CASTOR2: variants seen among roughly 807,000 people sequenced by gnomAD.
The protein encoded by CASTOR2 is GATS protein like 2.
In CASTOR2, 8 loss-of-function variants were observed where a neutral mutation model predicts 31.2. That is an observed-to-expected ratio of 0.26 (90% CI 0.15 to 0.46). The LOEUF (loss-of-function observed/expected upper bound fraction) is 0.46, where lower values mean the gene tolerates loss of function less well. Ranked by LOEUF, CASTOR2 falls within the 20% of genes least tolerant of loss-of-function variation. The probability of loss-of-function intolerance (pLI) is 0.99; values close to 1 mark genes in which losing one functional copy is unlikely to be tolerated. For missense variants in CASTOR2, 216 were observed against 382.1 expected (o/e 0.57, Z 3.62); for synonymous variants, 162 against 158.7 (o/e 1.02, Z -0.16).
At chr7:74,979,701 TC>T (rs1402845422) in intron 1 of CASTOR2, among the ~76,000 whole-genome samples, 1 of 13,170 alleles carries the variant, frequency 7.6e-5, no homozygotes, top group African/African-American at 3.6e-4. Flanking sequence ...CCATGGCAGA[TC>T]CTTCTTGAAC....
In CASTOR2 at chr7:75,027,766, G is replaced by A. The variant is rs1027227400; in HGVS notation, c.*3067G>A. On this transcript the variant is annotated 3_prime_UTR_variant, in exon 9 of 9. Transcript: ENST00000616305. ...TAGTTTTCCCATCCCCATCCTGCTC[G>A]TGTAAAGCTTGGTTTATCTTCTCGG... 7 of 516,014 alleles carry A rather than the reference G, an allele frequency of 1.4e-5. No homozygotes were observed. The highest frequency in any genetic ancestry group is 3.6e-5 in the East Asian group (1 of 27,722). The allele number at this position is 516,014 out of a possible 1,614,324, so 32.0% of individuals were successfully genotyped here.
rs987189850 is a variant in CASTOR2 at position 75,026,065 on chromosome 7, A to G, written c.*1366A>G. On this transcript the variant is annotated 3_prime_UTR_variant, in exon 9 of 9. Transcript: ENST00000616305. The stretch of plus-strand genomic sequence containing the variant: ...GAGGGCCATGGGGAGGTGGACAGCC[A>G]GGTGGCAGGCCAGCTGAGTGGTCAT... 0.94 allele frequency among the ~76,000 whole-genome samples: 143,329 copies of G among 152,226 alleles called. 67,473 individuals carry two copies. The highest frequency in any genetic ancestry group is 0.98 in the Middle Eastern group (287 of 294).
At chr7:75,013,535 CGGT>C (rs1487468585) in intron 2 of CASTOR2, among the ~76,000 whole-genome samples, 1 of 151,946 alleles carries the variant, frequency 6.6e-6, no homozygotes, top group Non-Finnish European at 1.5e-5. Flanking sequence ...CCCAGCTACT[CGGT>C]GGGCTGCGGT....
In CASTOR2 at chr7:74,997,872, G is replaced by T. The variant is rs1260211687; in HGVS notation, c.114-10122G>T. On this transcript the variant is annotated intron_variant, in intron 1 of 8. Transcript: ENST00000616305. ...CTTGTTTATCTCTTTGCTTAACACT[G>T]TGGATGGTTCATGTGTTGCCTGCTG... Among the ~76,000 whole-genome samples the T allele has an allele frequency of 7.8e-4, 119 of 152,152 alleles. 1 individual carries two copies. The highest frequency in any genetic ancestry group is 1.6e-3 in the Non-Finnish European group (106 of 68,022).
In CASTOR2 at chr7:75,027,873, G is replaced by T; in HGVS notation, c.*3174G>T. On this transcript the variant is annotated 3_prime_UTR_variant, in exon 9 of 9. Transcript: ENST00000616305. ...TGAGTGTGGTTTTTCCCAGGCAGGG[G>T]CCGTCTGCCCTTGTCCCCCAGCTAT... The T allele has an allele frequency of 1.2e-6, 1 of 824,918 alleles. No individual in the cohort carries two copies. The highest frequency in any genetic ancestry group is 2.0e-6 in the Non-Finnish European group (1 of 505,082). 51.1% of individuals were successfully genotyped at this position (824,918 alleles called of 1,614,324 possible).
chr7:75,005,323 T>C (rs1359660173), intron 1 of CASTOR2, among the ~76,000 whole-genome samples: 1 of 152,198 alleles, frequency 6.6e-6, no homozygotes, highest in Non-Finnish European at 1.5e-5. Flanking sequence ...CAGAATGTCA[T>C]ATGAATAGAA....
rs1444824310 is a variant in CASTOR2 at position 74,982,516 on chromosome 7, G to A, written c.113+17418G>A. ...CTGAGCAATGCTTTGGGGCTGTTTC[G>A]TCCACTAGAGCAGCACAGTCAAGAA... is the stretch of plus-strand genomic sequence containing the variant. On this transcript the variant is annotated intron_variant, in intron 1 of 8. Transcript: ENST00000616305. Among the ~76,000 whole-genome samples, 11 of 144,492 alleles carry A rather than the reference G, an allele frequency of 7.6e-5. No homozygotes were observed. The East Asian group carries it at 2.1e-3, about 28-fold the overall frequency. The allele number at this position is 144,492 out of a possible 152,430, so 94.8% of individuals were successfully genotyped here. A position where few individuals can be genotyped will look rare whatever the true frequency, so the allele number is the denominator to read the frequency against.
intron 1 of CASTOR2, among the ~76,000 whole-genome samples, chr7:74,975,681 G>A (rs1385437311): frequency 6.2e-5 from 7 of 112,324 alleles, no homozygotes; most frequent in African/African-American, 2.4e-4. Context: ...GACAGAGCCA[G>A]ACTCCATGTC....
intron 1 of CASTOR2, among the ~76,000 whole-genome samples, chr7:74,987,029 C>T (rs1804083225): frequency 6.6e-6 from 1 of 152,080 alleles, no homozygotes; most frequent in Non-Finnish European, 1.5e-5. Flanking sequence ...CAGAGCGAGA[C>T]CTTGACTTTA....
At position 75,017,494 on chromosome 7, in the gene CASTOR2, G is replaced by A. The variant is rs1375997172; in HGVS notation, c.185-104G>A. 5.9e-6 allele frequency: 8 copies of A among 1,348,946 alleles called. No individual in the cohort carries two copies. The African/African-American group carries it at 1.0e-4, about 17-fold the overall frequency. The allele number at this position is 1,348,946 out of a possible 1,614,324, so 83.6% of individuals were successfully genotyped here. ...AAAGTGAGGCAAGGCACAGGGTGGA[G>A]CTGGCCCCAGAGCATCACTCTCCAC... is the stretch of plus-strand genomic sequence containing the variant. On this transcript the variant is annotated intron_variant, in intron 2 of 8. Coordinates refer to ENST00000616305, the MANE Select transcript of CASTOR2 (RefSeq NM_001145064.3).
At chr7:75,002,390 G>A (rs1470437902) in intron 1 of CASTOR2, among the ~76,000 whole-genome samples, 18 of 151,798 alleles carry the variant, frequency 1.2e-4, no homozygotes, top group Non-Finnish European at 2.6e-4. Flanking sequence ...AGGCTGAGGC[G>A]GGTGGATCTT....
intron 1 of CASTOR2, among the ~76,000 whole-genome samples, chr7:74,994,679 G>A (rs1804296644): frequency 6.6e-6 from 1 of 152,166 alleles, no homozygotes; most frequent in African/African-American, 2.4e-5. Flanking sequence ...GAACCTGGTA[G>A]GCAGAGGTTG....
intron 1 of CASTOR2, among the ~76,000 whole-genome samples, chr7:74,999,601 CTTTTTTTTTTTTTTTTTT>C (rs1158456043): frequency 6.8e-4 from 31 of 45,784 alleles, no homozygotes; most frequent in African/African-American, 1.9e-3. Context: ...TCACTCACTG[CTTTTTTTTTTTTTTTTTT>C]TTTTTTTTTT....
intron 1 of CASTOR2, among the ~76,000 whole-genome samples, chr7:74,999,327 G>T (rs1237247210): frequency 2.0e-5 from 3 of 151,852 alleles, no homozygotes; most frequent in African/African-American, 7.3e-5. Flanking sequence ...CTATCTTAAG[G>T]CAAAATAACT....
intron 1 of CASTOR2, among the ~76,000 whole-genome samples, chr7:75,005,672 G>T (rs1461254841): frequency 3.3e-5 from 5 of 152,230 alleles, no homozygotes; most frequent in Non-Finnish European, 5.9e-5. Flanking sequence ...CTGAGGCTGG[G>T]TGGTCAATGT....
At chr7:75,018,903 G>T (rs1804929404) in intron 4 of CASTOR2, 69 bp from the exon 5 acceptor site, 1 of 1,551,242 alleles carries the variant, frequency 6.4e-7, no homozygotes, top group South Asian at 1.2e-5. Flanking sequence ...CTCTTCCCAG[G>T]CCCTGCACCC....
At chr7:75,017,814 G>T in intron 3 of CASTOR2, 23 bp downstream of exon 3, 1 of 1,613,874 alleles carries the variant, frequency 6.2e-7, no homozygotes, top group Non-Finnish European at 8.5e-7. Flanking sequence ...TCACAGACAC[G>T]CCTTGCACAC....
intron 2 of CASTOR2, among the ~76,000 whole-genome samples, chr7:75,009,514 C>A (rs1804686466): frequency 6.6e-6 from 1 of 151,882 alleles, no homozygotes; most frequent in Non-Finnish European, 1.5e-5. Flanking sequence ...GTGATCCACC[C>A]ACCTCGGCCT....
At chr7:74,974,030 TCTG>T (rs1554435358) in intron 1 of CASTOR2, among the ~76,000 whole-genome samples, 1 of 67,644 alleles carries the variant, frequency 1.5e-5, no homozygotes, top group Non-Finnish European at 2.8e-5. Flanking sequence ...ACAGCCATAG[TCTG>T]CTGCTGCCCA....
Sources: allele counts gnomAD v4.1 joint callset (sites outside exome capture counted in the v4.1 genomes callset), GRCh38; gene constraint gnomAD v4.1.1; transcripts MANE v1.5; gene names NCBI Gene and HGNC (gene_info 2026-07-23, HGNC 2026-07-21).